The following ELK3 variants were observed in gnomAD, a reference collection of about 807,000 sequenced individuals.
ELK3 encodes the protein ETS domain-containing protein Elk-3.
Under a neutral mutation model 28.9 loss-of-function variants are expected in ELK3, and 10 were observed. The ratio of observed to expected loss-of-function variants is 0.35; its 90% CI spans 0.21 to 0.59. The LOEUF is 0.59. Among genes scored for constraint, ELK3 ranks in the 20% least tolerant of loss-of-function variants. The pLI is 0.82. For missense variants in ELK3, 463 were observed against 517.3 expected (o/e 0.90, Z 1.02); for synonymous variants, 272 against 243.5 (o/e 1.12, Z -1.09).
At chr12:96,257,143 C>T (rs1951956454) in intron 3 of ELK3, among the ~76,000 whole-genome samples, 1 of 152,194 alleles carries the variant, frequency 6.6e-6, no homozygotes, top group Non-Finnish European at 1.5e-5. Flanking sequence ...CCCTCAGGCT[C>T]AGCCCACTCT....
At chr12:96,196,641 G>A (rs1317445274) in intron 1 of ELK3, among the ~76,000 whole-genome samples, 2 of 151,736 alleles carry the variant, frequency 1.3e-5, no homozygotes, top group Non-Finnish European at 1.5e-5. Context: ...GTCCATAAGT[G>A]TTCTTAGAGT....
intron 1 of ELK3, among the ~76,000 whole-genome samples, chr12:96,214,664 G>A (rs1442536739): frequency 1.3e-5 from 2 of 152,056 alleles, no homozygotes; most frequent in Non-Finnish European, 2.9e-5. Context: ...TAATTTAAAT[G>A]TCCTTTGAAA....
chr12:96,244,582 ATTAT>A (rs1232518237), intron 2 of ELK3, among the ~76,000 whole-genome samples: 1 of 151,814 alleles, frequency 6.6e-6, no homozygotes, highest in East Asian at 1.9e-4. Context: ...CTTTTGTGTA[ATTAT>A]TTAGGCTCTA....
intron 1 of ELK3, among the ~76,000 whole-genome samples, chr12:96,211,488 TGTG>T (rs1344199084): frequency 7.9e-4 from 3 of 3,794 alleles, no homozygotes; most frequent in South Asian, 0.028. Flanking sequence ...ATTGTGTGTT[TGTG>T]TGTGTGTGTG....
intron 1 of ELK3, chr12:96,213,765 G>T (rs1951591811): frequency 6.6e-6 from 1 of 151,824 alleles, no homozygotes; most frequent in South Asian, 2.1e-4. Context: ...ATGCTCTGTT[G>T]CCCAGGCTGG....
At chr12:96,234,004 C>T (rs1951762001) in intron 2 of ELK3, among the ~76,000 whole-genome samples, 2 of 152,338 alleles carry the variant, frequency 1.3e-5, no homozygotes, top group African/African-American at 4.8e-5. Flanking sequence ...GGGCCTCTCT[C>T]ACAAGCTTGG....
In ELK3 at chr12:96,245,980, T is replaced by C. The variant is rs1326716349; in HGVS notation, c.208-960T>C. 2.6e-5 allele frequency among the ~76,000 whole-genome samples: 4 copies of C among 152,234 alleles called. No individual in the cohort carries two copies. In the South Asian group the frequency reaches 8.3e-4, roughly 32 times the overall value. ...CAATGAATGTCACAGATATCCAAAG[T>C]AGACAATTCGTTTTCCTTCCAGTGG... On this transcript the variant is annotated intron_variant, in intron 2 of 4. Coordinates refer to ENST00000228741, the MANE Select transcript of ELK3 (RefSeq NM_005230.4).
At position 96,247,257 on chromosome 12, in the gene ELK3, C is replaced by T. The variant is rs777427382; in HGVS notation, c.525C>T (p.Pro175=). 50 of 1,614,102 alleles carry T rather than the reference C, an allele frequency of 3.1e-5. No homozygotes were observed. The African/African-American group carries it at 5.3e-4, about 17-fold the overall frequency. ...KLEEPPEDSP[P]VEEVRTVIRF... ...AGGAGCCGCCCGAAGACAGCCCCCC[C>T]GTGGAAGAAGTCAGGACTGTGATCA... The change falls in exon 3 of 5, where the codon CCC becomes CCT. Residue 175 remains proline, a synonymous_variant. Coordinates refer to ENST00000228741, the MANE Select transcript of ELK3 (RefSeq NM_005230.4). The surrounding 1 kb of genome is among the most constrained non-coding windows in gnomAD (Gnocchi z 5.5).
At chr12:96,232,257 CTG>C (rs1951746918) in intron 2 of ELK3, among the ~76,000 whole-genome samples, 1 of 152,044 alleles carries the variant, frequency 6.6e-6, no homozygotes, top group Admixed American at 6.6e-5. Flanking sequence ...GGTTGGAACT[CTG>C]TGGTGAGAGC....
chr12:96,254,492 T>C (rs1169039987), intron 3 of ELK3, among the ~76,000 whole-genome samples: 1 of 152,048 alleles, frequency 6.6e-6, no homozygotes, highest in Non-Finnish European at 1.5e-5. Flanking sequence ...GCATTACAAG[T>C]GCACACACAC....
chr12:96,250,864 A>G (rs1016483058), intron 3 of ELK3, among the ~76,000 whole-genome samples: 1 of 152,206 alleles, frequency 6.6e-6, no homozygotes, highest in Non-Finnish European at 1.5e-5. Context: ...CTGAAGGTAC[A>G]AATTCCGAAG....
At chr12:96,245,449 C>A (rs1951848993) in intron 2 of ELK3, among the ~76,000 whole-genome samples, 1 of 152,136 alleles carries the variant, frequency 6.6e-6, no homozygotes, top group Admixed American at 6.5e-5. Flanking sequence ...ATGACATCCT[C>A]CACCTCCATC....
chr12:96,238,445 G>A lies in ELK3; in HGVS notation c.208-8495G>A, dbSNP rs537169412. On this transcript the variant is annotated intron_variant, in intron 2 of 4. Transcript: ENST00000228741. Reference sequence around the variant, plus strand: ...ACTGGGTCCACATGACTTCTGGCCCGTCAAGGCTCCTGGCCTGTGCCCTTG... The same window carrying A: ...ACTGGGTCCACATGACTTCTGGCCCATCAAGGCTCCTGGCCTGTGCCCTTG... Among the ~76,000 whole-genome samples, 14 of 152,372 alleles carry A rather than the reference G, an allele frequency of 9.2e-5. No homozygotes were observed. In the East Asian group the frequency reaches 2.1e-3, roughly 23 times the overall value.
chr12:96,259,256 G>A (rs1042686665), intron 3 of ELK3, among the ~76,000 whole-genome samples: 1 of 152,100 alleles, frequency 6.6e-6, no homozygotes. Flanking sequence ...AATTAGCATT[G>A]AAGAAAACTA....
chr12:96,209,367 T>G (rs560767061), intron 1 of ELK3, among the ~76,000 whole-genome samples: 3 of 152,212 alleles, frequency 2.0e-5, no homozygotes, highest in African/African-American at 4.8e-5. Flanking sequence ...AGTCCTGATT[T>G]AGAAAGATTT....
chr12:96,201,004 T>C lies in ELK3; in HGVS notation c.-3+6299T>C, dbSNP rs1232555329. Reference sequence around the variant, plus strand: ...ATTTTTTGTAGAAATGGGGTCTCATTATCCCTGGCCATTTACAAAATTCTG... The same window carrying C: ...ATTTTTTGTAGAAATGGGGTCTCATCATCCCTGGCCATTTACAAAATTCTG... On this transcript the variant is annotated intron_variant, in intron 1 of 4. Coordinates refer to ENST00000228741, the MANE Select transcript of ELK3 (RefSeq NM_005230.4). Among the ~76,000 whole-genome samples the C allele has an allele frequency of 2.0e-5, 3 of 152,148 alleles. No homozygotes were observed. The East Asian group carries it at 5.8e-4, about 29-fold the overall frequency.
chr12:96,254,452 A>G (rs756129041), intron 3 of ELK3, among the ~76,000 whole-genome samples: 5 of 152,228 alleles, frequency 3.3e-5, no homozygotes, highest in Non-Finnish European at 7.3e-5. Flanking sequence ...GCTTGTTTTT[A>G]TGACCTTAGG....
At chr12:96,199,760 T>A (rs977158644) in intron 1 of ELK3, among the ~76,000 whole-genome samples, 1 of 152,244 alleles carries the variant, frequency 6.6e-6, no homozygotes, top group Non-Finnish European at 1.5e-5. Flanking sequence ...ACTACTTTAT[T>A]GCTATGTATT....
chr12:96,230,536 C>T (rs1448666680), intron 2 of ELK3, among the ~76,000 whole-genome samples: 1 of 152,168 alleles, frequency 6.6e-6, no homozygotes, highest in Non-Finnish European at 1.5e-5. Flanking sequence ...GACTCCGTGA[C>T]AGGTGTGACA....
Sources: gnomAD v4.1 joint callset for allele counts (sites outside exome capture counted in the v4.1 genomes callset) on GRCh38, gnomAD v4.1.1 for gene constraint, Gnocchi (gnomAD v3.1) non-coding constraint, MANE v1.5 for transcripts, NCBI Gene and HGNC (gene_info 2026-07-23, HGNC 2026-07-21) for gene names.